The following SLC39A11 variants were observed in gnomAD, a reference collection of about 807,000 sequenced individuals.
SLC39A11 encodes solute carrier family 39 member 11.
SLC39A11 carries 33 observed loss-of-function variants against 36.1 expected under a neutral mutation model. The ratio of observed to expected loss-of-function variants is 0.91; its 90% CI spans 0.69 to 1.22. SLC39A11 has a LOEUF of 1.22. Ranked by LOEUF, SLC39A11 falls within the 50% of genes most tolerant of loss-of-function variation. The pLI is 0.00. For missense variants in SLC39A11, 432 were observed against 430.3 expected, an observed-to-expected ratio of 1.00 and a Z score of -0.03; for synonymous variants, 166 against 170.3, an observed-to-expected ratio of 0.97 and a Z score of 0.20.
At chr17:73,015,834 G>A (rs1035212151) in intron 4 of SLC39A11, among the ~76,000 whole-genome samples, 3 of 152,108 alleles carry the variant, frequency 2.0e-5, no homozygotes, top group African/African-American at 4.8e-5. Context: ...TGCCCGCTTC[G>A]GCCTTTTAAA....
chr17:72,978,049 G>A (rs60052268), intron 4 of SLC39A11, among the ~76,000 whole-genome samples: 2,582 of 152,364 alleles, frequency 0.017, 86 homozygotes, highest in African/African-American at 0.059. Flanking sequence ...CCTAGCCAGG[G>A]TGGTCGTTGA....
chr17:72,909,379 A>C (rs369170364), intron 5 of SLC39A11, among the ~76,000 whole-genome samples: 1 of 152,240 alleles, frequency 6.6e-6, no homozygotes, highest in African/African-American at 2.4e-5. Flanking sequence ...CTTCAGAAAC[A>C]CATTGACTTG....
intron 6 of SLC39A11, among the ~76,000 whole-genome samples, chr17:72,787,252 G>GTTT (rs1315321841): frequency 2.6e-5 from 2 of 75,840 alleles, no homozygotes; most frequent in Non-Finnish European, 5.8e-5. Context: ...ATAACCCATG[G>GTTT]CTTTTTTTTT....
intron 7 of SLC39A11, among the ~76,000 whole-genome samples, chr17:72,696,930 A>T (rs1350509495): frequency 3.9e-5 from 6 of 152,176 alleles, no homozygotes; most frequent in African/African-American, 1.4e-4. Context: ...TTATAGACAG[A>T]ACTTAGGACC....
chr17:72,980,420 T>C (rs1460226020), intron 4 of SLC39A11, among the ~76,000 whole-genome samples: 1 of 151,598 alleles, frequency 6.6e-6, no homozygotes, highest in East Asian at 1.9e-4. Context: ...ATAGATGGAG[T>C]GGTGAGCTTT....
Position 72,761,678 on chromosome 17 carries a change from G to A in SLC39A11, c.602-24959C>T, listed in dbSNP as rs559677617. Among the ~76,000 whole-genome samples the A allele has an allele frequency of 4.6e-5, 7 of 152,332 alleles. No individual in the cohort carries two copies. In the East Asian group the frequency reaches 5.8e-4, roughly 13 times the overall value. ...TCATACAACGTTTTGAACCGTGTCT[G>A]TCAAGCCCAAACTTTTTCTTTTTTC... On this transcript the variant is annotated intron_variant, in intron 6 of 9. Coordinates refer to ENST00000255559, the MANE Select transcript of SLC39A11 (RefSeq NM_139177.4).
chr17:72,844,085 C>G (rs147198977), intron 6 of SLC39A11, among the ~76,000 whole-genome samples: 91 of 152,172 alleles, frequency 6.0e-4, no homozygotes, highest in African/African-American at 2.1e-3. Context: ...CTTAAAAACC[C>G]AGAGTCTCAG....
intron 4 of SLC39A11, among the ~76,000 whole-genome samples, chr17:73,027,731 C>G (rs1265211382): frequency 1.3e-5 from 2 of 152,316 alleles, no homozygotes; most frequent in South Asian, 4.1e-4. Context: ...ATGCCCTTCA[C>G]GTCCCGAACA....
Position 72,849,214 on chromosome 17 carries a change from C to T in SLC39A11, c.601+420G>A, listed in dbSNP as rs541029290. ...GTCTTGCTCTCTCAGGGGGCAGAGG[C>T]GGAAGAAAATCTGAGTGTAAGTGAA... is the stretch of plus-strand genomic sequence containing the variant. On this transcript the variant is annotated intron_variant, in intron 6 of 9. Transcript: ENST00000255559. Among the ~76,000 whole-genome samples, 45 of 152,090 alleles carry T rather than the reference C, an allele frequency of 3.0e-4. No individual in the cohort carries two copies. The Middle Eastern group carries it at 0.017, about 57-fold the overall frequency.
chr17:72,928,844 G>T (rs895327103), intron 5 of SLC39A11, among the ~76,000 whole-genome samples: 17 of 152,214 alleles, frequency 1.1e-4, no homozygotes, highest in Admixed American at 1.3e-4. Flanking sequence ...AAAACCACAG[G>T]TAGGCTTCAT....
chr17:72,977,969 G>C (rs2087985542), intron 4 of SLC39A11, among the ~76,000 whole-genome samples: 1 of 152,206 alleles, frequency 6.6e-6, no homozygotes, highest in South Asian at 2.1e-4. Context: ...AACCAGCAGT[G>C]AGTCACCGGG....
At chr17:72,716,831 T>C (rs555808815) in intron 7 of SLC39A11, among the ~76,000 whole-genome samples, 117 of 151,516 alleles carry the variant, frequency 7.7e-4, no homozygotes, top group Admixed American at 1.3e-3. Flanking sequence ...TAGCTGGGCG[T>C]GGTGGCAGGT....
chr17:72,670,164 C>T (rs1337774210), intron 7 of SLC39A11, among the ~76,000 whole-genome samples: 5 of 6,790 alleles, frequency 7.4e-4, no homozygotes, highest in Non-Finnish European at 1.3e-3. Context: ...TTTATATACA[C>T]ACACACACAC....
intron 4 of SLC39A11, among the ~76,000 whole-genome samples, chr17:73,023,657 T>C (rs1439283651): frequency 6.7e-6 from 1 of 148,790 alleles, no homozygotes; most frequent in Non-Finnish European, 1.5e-5. Flanking sequence ...GCCTGGCTAA[T>C]TTTTTGTATT....
At chr17:72,721,037 T>C (rs2073642786) in intron 7 of SLC39A11, among the ~76,000 whole-genome samples, 1 of 150,960 alleles carries the variant, frequency 6.6e-6, no homozygotes, top group Non-Finnish European at 1.5e-5. Context: ...AAGAGGTAGG[T>C]TCTGGGGCCA....
chr17:72,900,039 AG>A (rs2146901702), intron 5 of SLC39A11, among the ~76,000 whole-genome samples: 3 of 146,894 alleles, frequency 2.0e-5, no homozygotes, highest in African/African-American at 7.7e-5. Flanking sequence ...AGAGAGAAAG[AG>A]AGAGAGAAAG....
chr17:73,040,698 A>C (rs2059075739), intron 3 of SLC39A11, among the ~76,000 whole-genome samples: 1 of 152,230 alleles, frequency 6.6e-6, no homozygotes, highest in Admixed American at 6.5e-5. Flanking sequence ...TAATGATTAT[A>C]ACATGCCCAG....
chr17:72,939,329 C>T (rs147583848), intron 5 of SLC39A11, among the ~76,000 whole-genome samples: 30 of 152,074 alleles, frequency 2.0e-4, no homozygotes, highest in African/African-American at 6.0e-4. Context: ...GGGGTAGTGG[C>T]GTACACCTGT....
intron 6 of SLC39A11, among the ~76,000 whole-genome samples, chr17:72,757,955 G>A (rs893441711): frequency 8.6e-5 from 13 of 151,940 alleles, no homozygotes; most frequent in African/African-American, 1.9e-4. Context: ...GCGTGATCTC[G>A]GCCTACTGCA....
Sources: allele counts gnomAD v4.1 joint callset (sites outside exome capture counted in the v4.1 genomes callset), GRCh38; gene constraint gnomAD v4.1.1; transcripts MANE v1.5; gene names NCBI Gene and HGNC (gene_info 2026-07-23, HGNC 2026-07-21).